The following GLIS3 variants were observed in gnomAD, a reference collection of about 807,000 sequenced individuals.
The protein encoded by GLIS3 is zinc finger protein GLIS3.
Under a neutral mutation model 78.6 loss-of-function variants are expected in GLIS3, and 53 were observed. The ratio of observed to expected loss-of-function variants is 0.67; its 90% CI spans 0.54 to 0.85. The LOEUF (loss-of-function observed/expected upper bound fraction) is 0.85. Ranked by LOEUF, GLIS3 falls within the 40% of genes least tolerant of loss-of-function variation. The pLI, the probability that GLIS3 is intolerant of heterozygous loss-of-function variation, is 0.00. For missense variants in GLIS3, 1,703 were observed against 1,231.1 expected, an observed-to-expected ratio of 1.38 and a Z score of -5.74; for synonymous variants, 684 against 509.9, an observed-to-expected ratio of 1.34 and a Z score of -4.60.
intron 2 of GLIS3, among the ~76,000 whole-genome samples, chr9:4,281,473 CTCTT>C (rs1827544153): frequency 6.6e-6 from 1 of 152,214 alleles, no homozygotes; most frequent in Non-Finnish European, 1.5e-5. Flanking sequence ...GCAACCACCA[CTCTT>C]TCTGACTATA....
At chr9:4,423,941 T>G in the GLIS3 span, among the ~76,000 whole-genome samples, 1 of 152,250 alleles carries the variant, frequency 6.6e-6, no homozygotes, top group Non-Finnish European at 1.5e-5. Flanking sequence ...ACAATGACCC[T>G]AATCCACCAC....
At chr9:3,868,580 C>A (rs926767768) in intron 8 of GLIS3, among the ~76,000 whole-genome samples, 3 of 152,130 alleles carry the variant, frequency 2.0e-5, no homozygotes, top group South Asian at 2.1e-4. Context: ...TTTTTCAATT[C>A]TTTGTCTTTT....
At chr9:4,214,526 T>C (rs1820653293) in intron 2 of GLIS3, among the ~76,000 whole-genome samples, 1 of 152,212 alleles carries the variant, frequency 6.6e-6, no homozygotes, top group Admixed American at 6.5e-5. Flanking sequence ...CCTTTTGGTG[T>C]CTGCCCTCCC....
At chr9:4,380,761 T>C in the GLIS3 span, among the ~76,000 whole-genome samples, 1 of 152,278 alleles carries the variant, frequency 6.6e-6, no homozygotes, top group African/African-American at 2.4e-5. Flanking sequence ...CGAAAGAAAC[T>C]GGTAGAAAGG....
At chr9:4,099,155 T>C (rs1481337020) in intron 4 of GLIS3, among the ~76,000 whole-genome samples, 2 of 152,234 alleles carry the variant, frequency 1.3e-5, no homozygotes, top group East Asian at 3.8e-4. Flanking sequence ...GCTGTCTGAA[T>C]TAGATTCCTA....
chr9:4,125,138 G>A (rs1832475314), intron 3 of GLIS3, among the ~76,000 whole-genome samples: 2 of 152,164 alleles, frequency 1.3e-5, no homozygotes, highest in African/African-American at 2.4e-5. Flanking sequence ...GAAATGTTAT[G>A]TAACTCAAAC....
chr9:4,266,107 A>G (rs1012285119), intron 2 of GLIS3, among the ~76,000 whole-genome samples: 3 of 151,744 alleles, frequency 2.0e-5, no homozygotes, highest in African/African-American at 7.3e-5. Flanking sequence ...TTTAGTAGAG[A>G]CAAGGTTTCA....
the GLIS3 span, among the ~76,000 whole-genome samples, chr9:4,453,969 A>C: frequency 6.6e-6 from 1 of 152,160 alleles, no homozygotes; most frequent in Non-Finnish European, 1.5e-5. Flanking sequence ...CACGTTGTGC[A>C]CATGTACCCT....
chr9:4,251,143 T>G (rs1824331219), intron 2 of GLIS3, among the ~76,000 whole-genome samples: 3 of 152,206 alleles, frequency 2.0e-5, no homozygotes, highest in Admixed American at 1.3e-4. Flanking sequence ...AGAGCTGAGT[T>G]CAAGTCCTGA....
chr9:4,410,888 C>T, the GLIS3 span, among the ~76,000 whole-genome samples: 1 of 152,136 alleles, frequency 6.6e-6, no homozygotes, highest in Non-Finnish European at 1.5e-5. Context: ...AAGGTCAATG[C>T]AGATTTCTGT....
At chr9:4,078,181 G>C (rs1828238110) in intron 4 of GLIS3, among the ~76,000 whole-genome samples, 2 of 152,160 alleles carry the variant, frequency 1.3e-5, no homozygotes, top group South Asian at 2.1e-4. Flanking sequence ...CACCAGACCA[G>C]TGGTCTTAAA....
chr9:4,380,618 T>C, the GLIS3 span, among the ~76,000 whole-genome samples: 2 of 152,232 alleles, frequency 1.3e-5, no homozygotes, highest in African/African-American at 2.4e-5. Flanking sequence ...GGACTGAAGT[T>C]GGCCAAGAAA....
At chr9:4,252,345 T>C (rs1824480610) in intron 2 of GLIS3, among the ~76,000 whole-genome samples, 2 of 152,180 alleles carry the variant, frequency 1.3e-5, no homozygotes, top group African/African-American at 4.8e-5. Context: ...TCATGCTTTA[T>C]TTCATTAAGT....
At chr9:3,838,147 G>A (rs1818470823) in intron 9 of GLIS3, among the ~76,000 whole-genome samples, 1 of 152,116 alleles carries the variant, frequency 6.6e-6, no homozygotes, top group African/African-American at 2.4e-5. Context: ...TTCCATGAAG[G>A]CAGACACCTT....
At chr9:4,035,822 A>C (rs1315416142) in intron 4 of GLIS3, 3 of 152,322 alleles carry the variant, frequency 2.0e-5, no homozygotes, top group Non-Finnish European at 4.4e-5. Flanking sequence ...CTCAAATGCA[A>C]GCCCACGACA....
the GLIS3 span, among the ~76,000 whole-genome samples, chr9:4,490,047 C>G: frequency 1.3e-5 from 2 of 152,238 alleles, no homozygotes; most frequent in African/African-American, 2.4e-5. Context: ...GCAGGATCAG[C>G]TTCCCCCGAC....
intron 8 of GLIS3, among the ~76,000 whole-genome samples, chr9:3,878,985 C>G (rs567468991): frequency 1.1e-4 from 16 of 152,036 alleles, no homozygotes; most frequent in African/African-American, 3.1e-4. Context: ...TCCCAGAAGT[C>G]CTTTGTGAGA....
At chr9:4,152,520 T>C (rs1586820625) in intron 2 of GLIS3, among the ~76,000 whole-genome samples, 1 of 152,340 alleles carries the variant, frequency 6.6e-6, no homozygotes, top group East Asian at 1.9e-4. Context: ...ATTTAACTTC[T>C]CTAGGCCTCA....
chr9:3,932,466 G>T lies in GLIS3; in HGVS notation c.1877C>A (p.Pro626His), dbSNP rs1293048314. 1.2e-6 allele frequency: 2 copies of T among 1,609,546 alleles called. No individual in the cohort carries two copies. Among genetic ancestry groups the T allele is most frequent in the Non-Finnish European group, 1.7e-6 (2 of 1,176,130 alleles). The change falls in exon 6 of 11, where the codon CCT becomes CAT. Residue 626 changes from proline (P) to histidine (H), a missense_variant. Physicochemically the swap from Pro to His is moderately conservative, Grantham distance 77. Coordinates refer to ENST00000381971, the MANE Select transcript of GLIS3 (RefSeq NM_001042413.2). ...ACATCCTGGAATTTGACAAGCATAA[G>T]GTTTCTAAATGAGAAAGAAAGAAAG... ...KHQRTHLDTKPYACQIPGCTK... is the reference protein window; with the variant it reads ...KHQRTHLDTKHYACQIPGCTK...
Sources: gnomAD v4.1 joint callset for allele counts (sites outside exome capture counted in the v4.1 genomes callset) on GRCh38, gnomAD v4.1.1 for gene constraint, MANE v1.5 for transcripts, NCBI Gene and HGNC (gene_info 2026-07-23, HGNC 2026-07-21) for gene names.